TIMD4: variants seen among roughly 807,000 people sequenced by gnomAD.
TIMD4 encodes T-cell immunoglobulin and mucin domain-containing protein 4.
A neutral mutation model predicts 41.2 loss-of-function variants in TIMD4; 31 were observed. That is an observed-to-expected ratio of 0.75 (90% confidence interval 0.57 to 1.01). TIMD4 has a LOEUF of 1.01. Among genes scored for constraint, TIMD4 ranks in the 50% least tolerant of loss-of-function variants. TIMD4 has a pLI of 0.00. For synonymous variants in TIMD4, 204 were observed against 177.1 expected (o/e 1.15, Z -1.21); for missense variants, 479 against 472.5 (o/e 1.01, Z -0.13).
At chr5:156,943,475 C>T (rs1759681819) in intron 5 of TIMD4, among the ~76,000 whole-genome samples, 1 of 152,154 alleles carries the variant, frequency 6.6e-6, no homozygotes, top group South Asian at 2.1e-4. Flanking sequence ...TTTGCACTCC[C>T]TGACTCAACT....
At chr5:156,931,212 A>G (rs1316672533) in intron 5 of TIMD4, among the ~76,000 whole-genome samples, 1 of 152,216 alleles carries the variant, frequency 6.6e-6, no homozygotes, top group Non-Finnish European at 1.5e-5. Context: ...TAGCCCTGCC[A>G]ACACCTTGAT....
chr5:156,949,109 T>C (rs1759802670), intron 4 of TIMD4, among the ~76,000 whole-genome samples: 1 of 152,214 alleles, frequency 6.6e-6, no homozygotes, highest in Non-Finnish European at 1.5e-5. Context: ...CCAATCGTGA[T>C]GCCAATCGTG....
intron 1 of TIMD4, 43 bp from the exon 2 acceptor site, chr5:156,954,799 T>C: frequency 2.0e-6 from 3 of 1,499,170 alleles, no homozygotes; most frequent in Non-Finnish European, 2.7e-6. Flanking sequence ...AGTACTGAAA[T>C]CTCTCAAACA....
intron 8 of TIMD4, 126 bp downstream of exon 8, chr5:156,920,338 T>G (rs1208258395): frequency 3.7e-6 from 4 of 1,077,420 alleles, no homozygotes; most frequent in Non-Finnish European, 5.6e-6. Flanking sequence ...ACTTCTAATG[T>G]CACATCTTTC....
intron 5 of TIMD4, among the ~76,000 whole-genome samples, chr5:156,938,164 T>C (rs1384461051): frequency 6.6e-6 from 1 of 152,192 alleles, no homozygotes; most frequent in African/African-American, 2.4e-5. Context: ...GAGCTCTAAT[T>C]TGGGAGCCAG....
chr5:156,955,432 G>A (rs903980448), intron 1 of TIMD4, among the ~76,000 whole-genome samples: 21 of 152,148 alleles, frequency 1.4e-4, no homozygotes, highest in African/African-American at 3.1e-4. Context: ...CGAGGCAGGC[G>A]GATCACAAGG....
intron 1 of TIMD4, among the ~76,000 whole-genome samples, chr5:156,957,123 C>G (rs1012572150): frequency 2.6e-5 from 4 of 151,374 alleles, no homozygotes; most frequent in African/African-American, 9.7e-5. Context: ...TCTGGTTGTT[C>G]TTATGATAAA....
chr5:156,954,630 G>A lies in TIMD4; in HGVS notation c.185C>T (p.Ser62Phe). The A allele has an allele frequency of 6.2e-7, 1 of 1,614,222 alleles. No individual in the cohort carries two copies. Among genetic ancestry groups the A allele is most frequent in the Non-Finnish European group, 8.5e-7 (1 of 1,180,038 alleles). ...MCWGKDQCPY[S>F]GCKEALIRTD... ...GCGGATGAGCGCCTCCTTGCAACCG[G>A]AGTAGGGGCACTGGTCTTTCCCCCA... The change falls in exon 2 of 9, where the codon TCC becomes TTC. Residue 62 changes from serine to phenylalanine, a missense_variant. Coordinates refer to ENST00000274532, the MANE Select transcript of TIMD4 (RefSeq NM_138379.3).
At chr5:156,940,413 G>A (rs1476101613) in intron 5 of TIMD4, among the ~76,000 whole-genome samples, 3 of 152,118 alleles carry the variant, frequency 2.0e-5, no homozygotes, top group African/African-American at 4.8e-5. Flanking sequence ...CTGCCTGGCC[G>A]CCCATCGTCT....
intron 5 of TIMD4, among the ~76,000 whole-genome samples, chr5:156,930,983 G>A (rs1759435035): frequency 6.6e-6 from 1 of 152,192 alleles, no homozygotes; most frequent in South Asian, 2.1e-4. Flanking sequence ...TGGGTCTCAT[G>A]TAATTACAAG....
chr5:156,957,659 A>G (rs1446040746), intron 1 of TIMD4, among the ~76,000 whole-genome samples: 3 of 152,136 alleles, frequency 2.0e-5, no homozygotes, highest in African/African-American at 7.2e-5. Context: ...CCTAAAATTA[A>G]TAACTACTAA....
At chr5:156,923,210 G>A (rs891069231) in intron 6 of TIMD4, among the ~76,000 whole-genome samples, 75 of 146,630 alleles carry the variant, frequency 5.1e-4, no homozygotes, top group African/African-American at 1.8e-3. Context: ...GTGCAGTGGT[G>A]CAATCTCAGC....
chr5:156,941,214 G>A (rs1266266018), intron 5 of TIMD4, among the ~76,000 whole-genome samples: 1 of 151,982 alleles, frequency 6.6e-6, no homozygotes, highest in East Asian at 1.9e-4. Flanking sequence ...GAAAACCAGA[G>A]ACCTTTGTTC....
chr5:156,938,539 A>T (rs1282741217), intron 5 of TIMD4, among the ~76,000 whole-genome samples: 1 of 152,058 alleles, frequency 6.6e-6, no homozygotes, highest in African/African-American at 2.4e-5. Flanking sequence ...TCAACACGAG[A>T]TCTGATTGTT....
rs112933058 is a variant in TIMD4 at position 156,958,796 on chromosome 5, A to G, written c.59-4040T>C. Among the ~76,000 whole-genome samples the G allele has an allele frequency of 9.3e-3, 1,414 of 152,330 alleles. 6 individuals carry two copies. Among genetic ancestry groups the G allele is most frequent in the African/African-American group, 0.012 (514 of 41,570 alleles). ...TATATGTGAATGAAATGGACAATGTATATATGGGGAATGGCTAAACTGGTG... is the reference window on the plus strand; with the variant it reads ...TATATGTGAATGAAATGGACAATGTGTATATGGGGAATGGCTAAACTGGTG... On this transcript the variant is annotated intron_variant, in intron 1 of 8. Transcript: ENST00000274532.
At chr5:156,961,154 GA>G (rs1367760911) in intron 1 of TIMD4, among the ~76,000 whole-genome samples, 2 of 152,168 alleles carry the variant, frequency 1.3e-5, no homozygotes, top group Admixed American at 6.5e-5. Flanking sequence ...AATCACTGGG[GA>G]AATGCAAATC....
chr5:156,935,124 A>G (rs1227721469), intron 5 of TIMD4, among the ~76,000 whole-genome samples: 1 of 152,194 alleles, frequency 6.6e-6, no homozygotes, highest in Non-Finnish European at 1.5e-5. Flanking sequence ...AAGAATCCAA[A>G]AATCACAATC....
intron 7 of TIMD4, among the ~76,000 whole-genome samples, chr5:156,921,550 G>A (rs893620987): frequency 3.4e-5 from 5 of 147,012 alleles, no homozygotes; most frequent in African/African-American, 1.0e-4. Flanking sequence ...AACCCAGGAG[G>A]CGGAGGTGCA....
At chr5:156,953,467 C>T (rs62382400) in intron 2 of TIMD4, among the ~76,000 whole-genome samples, 2,239 of 151,794 alleles carry the variant, frequency 0.015, 26 homozygotes, top group South Asian at 0.044. Flanking sequence ...ACCAGCCTGG[C>T]CAACATGGTG....
Sources: gnomAD v4.1 joint callset for allele counts (sites outside exome capture counted in the v4.1 genomes callset) on GRCh38, gnomAD v4.1.1 for gene constraint, MANE v1.5 for transcripts, NCBI Gene and HGNC (gene_info 2026-07-23, HGNC 2026-07-21) for gene names.